PRKCH: variants seen among roughly 807,000 people sequenced by gnomAD.
PRKCH encodes protein kinase C eta type.
In PRKCH, 28 loss-of-function variants were observed where a neutral mutation model predicts 82.5. The ratio of observed to expected loss-of-function variants is 0.34; its 90% confidence interval spans 0.25 to 0.47. PRKCH has a LOEUF of 0.47. PRKCH is among the 20% of genes least tolerant of loss of function. The pLI, the probability that PRKCH is intolerant of heterozygous loss-of-function variation, is 1.00. For synonymous variants in PRKCH, 322 were observed against 327.4 expected, an observed-to-expected ratio of 0.98 and a Z score of 0.18; for missense variants, 705 against 881.8, an observed-to-expected ratio of 0.80 and a Z score of 2.54.
intron 1 of PRKCH, among the ~76,000 whole-genome samples, chr14:61,300,918 G>T (rs1460186112): frequency 1.3e-5 from 2 of 152,060 alleles, no homozygotes; most frequent in Admixed American, 6.5e-5. Context: ...ATTAGGGTGG[G>T]GTGGTCAGCT....
chr14:61,427,476 TCTTTA>T (rs1457748018), intron 2 of PRKCH, among the ~76,000 whole-genome samples: 1 of 152,200 alleles, frequency 6.6e-6, no homozygotes, highest in Non-Finnish European at 1.5e-5. Flanking sequence ...TTAAAGAGAT[TCTTTA>T]CGGATGCAAA....
At chr14:61,207,897 C>A (rs923117552) in intron 1 of PRKCH, among the ~76,000 whole-genome samples, 1 of 152,182 alleles carries the variant, frequency 6.6e-6, no homozygotes, top group African/African-American at 2.4e-5. Context: ...CTGCCTGGCC[C>A]GGCAGCGAAG....
At chr14:61,486,383 G>A (rs369830889) in intron 10 of PRKCH, among the ~76,000 whole-genome samples, 1 of 152,202 alleles carries the variant, frequency 6.6e-6, no homozygotes, top group East Asian at 1.9e-4. Flanking sequence ...TCTTCCGTGT[G>A]TAGCCCCCTC....
At chr14:61,502,101 C>G (rs369279748) in intron 10 of PRKCH, among the ~76,000 whole-genome samples, 1 of 139,056 alleles carries the variant, frequency 7.2e-6, no homozygotes, top group Non-Finnish European at 1.5e-5. Context: ...GAGTCTCACT[C>G]TCACTCAGGC....
intron 1 of PRKCH, among the ~76,000 whole-genome samples, chr14:61,252,953 T>A (rs2044959730): frequency 6.6e-6 from 1 of 152,148 alleles, no homozygotes. Flanking sequence ...GAGCGTATGG[T>A]GGGCAAGAGA....
chr14:61,401,566 A>G (rs1026217578), intron 2 of PRKCH, among the ~76,000 whole-genome samples: 18 of 152,194 alleles, frequency 1.2e-4, no homozygotes, highest in Non-Finnish European at 8.8e-5. Context: ...AATGGTGCAA[A>G]AGAGAAATGG....
chr14:61,339,514 G>A (rs1161547288), intron 1 of PRKCH, among the ~76,000 whole-genome samples: 2 of 150,244 alleles, frequency 1.3e-5, no homozygotes, highest in African/African-American at 4.9e-5. Context: ...TAGTAGAGAC[G>A]GGGTTTCACC....
intron 12 of PRKCH, among the ~76,000 whole-genome samples, chr14:61,532,248 C>A (rs1329530070): frequency 1.3e-5 from 2 of 152,066 alleles, no homozygotes; most frequent in Non-Finnish European, 2.9e-5. Flanking sequence ...CTGGTTCAAG[C>A]CATAAAAAAA....
At chr14:61,468,460 A>G (rs904932895) in intron 9 of PRKCH, among the ~76,000 whole-genome samples, 2 of 152,152 alleles carry the variant, frequency 1.3e-5, no homozygotes, top group Non-Finnish European at 2.9e-5. Context: ...AAATGTGCAT[A>G]GGCCTTCTCC....
At chr14:61,366,546 C>A (rs962701728) in intron 1 of PRKCH, among the ~76,000 whole-genome samples, 3 of 152,016 alleles carry the variant, frequency 2.0e-5, no homozygotes, top group African/African-American at 7.3e-5. Context: ...TTTGGGTGAA[C>A]CCAGCCTGAC....
chr14:61,410,049 G>A (rs1882185510), intron 2 of PRKCH, among the ~76,000 whole-genome samples: 1 of 152,104 alleles, frequency 6.6e-6, no homozygotes. Context: ...ACAGCATTTG[G>A]CCTTTTCCCA....
chr14:61,284,297 G>A (rs1328309620), intron 1 of PRKCH, among the ~76,000 whole-genome samples: 4 of 152,346 alleles, frequency 2.6e-5, no homozygotes, highest in African/African-American at 7.2e-5. Flanking sequence ...AAAATTCAAG[G>A]TATTGCAGTC....
At chr14:61,428,096 C>CACACAT (rs757743902) in intron 2 of PRKCH, among the ~76,000 whole-genome samples, 12 of 105,482 alleles carry the variant, frequency 1.1e-4, no homozygotes, top group African/African-American at 4.4e-4. Context: ...CACACACACA[C>CACACAT]ATATATATAT....
At chr14:61,297,186 G>A (rs2045412946) in intron 1 of PRKCH, among the ~76,000 whole-genome samples, 1 of 152,170 alleles carries the variant, frequency 6.6e-6, no homozygotes, top group African/African-American at 2.4e-5. Flanking sequence ...AGAAAGTAAC[G>A]TGCATTAGTT....
chr14:61,242,099 G>A (rs1039544073), intron 1 of PRKCH, among the ~76,000 whole-genome samples: 1 of 152,122 alleles, frequency 6.6e-6, no homozygotes, highest in South Asian at 2.1e-4. Flanking sequence ...CAAATAGTGA[G>A]GTGATATATT....
At chr14:61,418,062 C>T (rs1183987009) in intron 2 of PRKCH, among the ~76,000 whole-genome samples, 1 of 152,200 alleles carries the variant, frequency 6.6e-6, no homozygotes, top group Non-Finnish European at 1.5e-5. Context: ...CGGAATAGTT[C>T]CTGGAGAAAG....
intron 1 of PRKCH, chr14:61,279,576 G>A (rs1364799123): frequency 1.3e-5 from 2 of 153,516 alleles, no homozygotes; most frequent in African/African-American, 4.8e-5. Context: ...TAACAAGCAT[G>A]TTCTCCCTCA....
intron 10 of PRKCH, among the ~76,000 whole-genome samples, chr14:61,516,154 C>A (rs1173876234): frequency 2.6e-5 from 4 of 152,074 alleles, no homozygotes; most frequent in African/African-American, 9.7e-5. Context: ...CTCCCCAAGC[C>A]ACTTGGGTAG....
intron 1 of PRKCH, among the ~76,000 whole-genome samples, chr14:61,371,980 T>G (rs1197122643): frequency 6.6e-6 from 1 of 152,106 alleles, no homozygotes; most frequent in East Asian, 1.9e-4. Context: ...ATCACATGAT[T>G]GTGCTCCTCA....
Sources: allele counts gnomAD v4.1 joint callset (sites outside exome capture counted in the v4.1 genomes callset), GRCh38; gene constraint gnomAD v4.1.1; transcripts MANE v1.5; gene names NCBI Gene and HGNC (gene_info 2026-07-23, HGNC 2026-07-21).